The following RTN4 variants were observed in gnomAD, a reference collection of about 807,000 sequenced individuals.
RTN4 encodes reticulon-4.
A neutral mutation model predicts 90.4 loss-of-function variants in RTN4; 32 were observed. That is an observed-to-expected ratio of 0.35 (90% CI 0.27 to 0.48). RTN4 has a LOEUF of 0.48. Ranked by LOEUF, RTN4 falls within the 20% of genes least tolerant of loss-of-function variation. RTN4 has a pLI of 0.99. For missense variants in RTN4, 1,706 were observed against 1,430.2 expected, an observed-to-expected ratio of 1.19 and a Z score of -3.11; for synonymous variants, 629 against 552.5, an observed-to-expected ratio of 1.14 and a Z score of -1.94.
In RTN4 at chr2:55,026,986, T is replaced by C. The variant is rs1681942539; in HGVS notation, c.1113A>G (p.Glu371=). The C allele has an allele frequency of 6.2e-7, 1 of 1,613,478 alleles. No individual in the cohort carries two copies. The highest frequency in any genetic ancestry group is 8.5e-7 in the Non-Finnish European group (1 of 1,179,900). ...SSEKAKDSFN[E]KRVAVEAPMR... is the part of the protein sequence containing the mutation. ...TAGGAGCTTCCACTGCAACTCTCTTTTCATTAAAACTGTCTTTTGCTTTTT... is the reference window on the plus strand; with the variant it reads ...TAGGAGCTTCCACTGCAACTCTCTTCTCATTAAAACTGTCTTTTGCTTTTT... Residue 371 remains glutamate (E), a synonymous_variant, in exon 3 of 9, where the codon GAA becomes GAG. Coordinates refer to ENST00000337526, the MANE Select transcript of RTN4 (RefSeq NM_020532.5).
chr2:54,979,078 G>A (rs184532451), intron 5 of RTN4, among the ~76,000 whole-genome samples: 25 of 151,200 alleles, frequency 1.7e-4, no homozygotes, highest in Non-Finnish European at 2.9e-4. Context: ...TAAACAGACA[G>A]GGTCTCACTC....
chr2:55,003,866 T>C (rs1680018953), intron 3 of RTN4, among the ~76,000 whole-genome samples: 1 of 152,110 alleles, frequency 6.6e-6, no homozygotes, highest in South Asian at 2.1e-4. Context: ...CACCATTTTA[T>C]ATAAGAGACG....
At chr2:55,034,406 G>A (rs1018992834) in intron 1 of RTN4, among the ~76,000 whole-genome samples, 3 of 152,160 alleles carry the variant, frequency 2.0e-5, no homozygotes, top group African/African-American at 4.8e-5. Flanking sequence ...GGAGGCTGAG[G>A]TGGGAGGATC....
intron 2 of RTN4, among the ~76,000 whole-genome samples, chr2:55,063,680 C>T (rs572741325): frequency 3.3e-5 from 5 of 150,612 alleles, no homozygotes; most frequent in East Asian, 2.0e-4. Flanking sequence ...CAGCAGTTCC[C>T]GACCAGCCTG....
intron 1 of RTN4, among the ~76,000 whole-genome samples, chr2:55,033,408 C>T (rs1038634945): frequency 6.6e-6 from 1 of 152,152 alleles, no homozygotes; most frequent in African/African-American, 2.4e-5. Context: ...AAATTTGTAG[C>T]CCCAAAATCC....
At chr2:55,126,704 T>C in the RTN4 span, among the ~76,000 whole-genome samples, 1 of 152,216 alleles carries the variant, frequency 6.6e-6, no homozygotes, top group Non-Finnish European at 1.5e-5. Flanking sequence ...TAAACGATTC[T>C]ATCATAAAGA....
At chr2:55,065,763 A>T (rs1011868983) in intron 2 of RTN4, among the ~76,000 whole-genome samples, 1 of 152,146 alleles carries the variant, frequency 6.6e-6, no homozygotes, top group African/African-American at 2.4e-5. Context: ...ATAAAAAAAA[A>T]ACATGCAAAA....
rs72795422 is a variant in RTN4, at chr2:54,975,759, G to C, written c.3361-995C>G. Among the ~76,000 whole-genome samples, 363 of 152,270 alleles carry C rather than the reference G, an allele frequency of 2.4e-3. 2 individuals carry two copies. Among genetic ancestry groups the C allele is most frequent in the Admixed American group, 4.4e-3 (67 of 15,300 alleles). Reference sequence around the variant, plus strand: ...CCATTAATTAAGCAGTCAAACATTAGTAAGCATATTTATTACAGCTTAGGA... The same window carrying C: ...CCATTAATTAAGCAGTCAAACATTACTAAGCATATTTATTACAGCTTAGGA... On this transcript the variant is annotated intron_variant, in intron 5 of 8. Transcript: ENST00000337526.
chr2:55,022,929 A>ACACACC (rs1174140956), intron 3 of RTN4, among the ~76,000 whole-genome samples: 2 of 149,850 alleles, frequency 1.3e-5, no homozygotes, highest in African/African-American at 4.9e-5. Context: ...ACACACACAC[A>ACACACC]CCCTGCTCTC....
At chr2:55,117,338 C>T (rs1295381341), upstream of RTN4, among the ~76,000 whole-genome samples, 1 of 152,206 alleles carries the variant, frequency 6.6e-6, no homozygotes, top group Non-Finnish European at 1.5e-5. Context: ...TGCCTTCGAG[C>T]ATTCCCTTCA....
At chr2:54,990,249 T>C (rs191312368) in intron 3 of RTN4, among the ~76,000 whole-genome samples, 2 of 152,356 alleles carry the variant, frequency 1.3e-5, no homozygotes, top group East Asian at 3.9e-4. Flanking sequence ...AATAGTTGTA[T>C]GTATTTCAAA....
chr2:55,118,507 G>A, the RTN4 span, among the ~76,000 whole-genome samples: 7 of 152,158 alleles, frequency 4.6e-5, no homozygotes, highest in South Asian at 1.2e-3. Context: ...ATGATAAAGG[G>A]TATAGAATAT....
At chr2:55,057,987 A>G (rs1481257664) in intron 2 of RTN4, among the ~76,000 whole-genome samples, 2 of 152,172 alleles carry the variant, frequency 1.3e-5, no homozygotes, top group Non-Finnish European at 2.9e-5. Flanking sequence ...TATCTCAAAA[A>G]TAAAATAAAT....
At chr2:55,079,775 C>T (rs180997359) in intron 2 of RTN4, among the ~76,000 whole-genome samples, 1 of 152,232 alleles carries the variant, frequency 6.6e-6, no homozygotes, top group East Asian at 1.9e-4. Flanking sequence ...AATAAAGAGA[C>T]CAACAGCCCT....
chr2:55,054,266 C>G (rs1437856778), upstream of RTN4, among the ~76,000 whole-genome samples: 3 of 152,068 alleles, frequency 2.0e-5, no homozygotes. Flanking sequence ...ACAGGTGTGT[C>G]TGTAATCCAC....
intron 2 of RTN4, among the ~76,000 whole-genome samples, chr2:55,069,871 T>C (rs191905968): frequency 1.3e-5 from 2 of 152,198 alleles, no homozygotes; most frequent in African/African-American, 2.4e-5. Context: ...CACAGGTACA[T>C]GAATTAAGCC....
rs1038820779 is a variant in RTN4 at position 55,101,441 on chromosome 2, A to G, written c.-214+11079T>C. On this transcript the variant is annotated intron_variant, in intron 1 of 3. Coordinates refer to the RTN4 transcript ENST00000427710. Reference sequence around the variant, plus strand: ...CTATAATACTAATAAGTTTCTGTAAAAATTGAAGTTATTAATACAATAACT... The same window carrying G: ...CTATAATACTAATAAGTTTCTGTAAGAATTGAAGTTATTAATACAATAACT... Among the ~76,000 whole-genome samples the G allele has an allele frequency of 2.0e-5, 3 of 152,132 alleles. No individual in the cohort carries two copies. In the East Asian group the frequency reaches 5.8e-4, roughly 29 times the overall value.
chr2:55,066,465 C>T (rs1001444738), intron 2 of RTN4, among the ~76,000 whole-genome samples: 1 of 152,034 alleles, frequency 6.6e-6, no homozygotes. Context: ...GAGGCCTAGG[C>T]AGGCGAATCA....
chr2:55,026,126 G>A lies in RTN4; in HGVS notation c.1973C>T (p.Pro658Leu). 1 of 1,613,386 alleles carries A rather than the reference G, an allele frequency of 6.2e-7. No individual in the cohort carries two copies. The change falls in exon 3 of 9, where the codon CCA becomes CTA. Residue 658 changes from proline (P) to leucine (L), a missense_variant. Pro to Leu is a moderately conservative substitution (Grantham distance 98). Coordinates refer to ENST00000337526, the MANE Select transcript of RTN4 (RefSeq NM_020532.5). The part of the protein sequence containing the change: ...SIKHEPENPP[P>L]YEEAMSVSLK... ...TGATACACTCATGGCCTCTTCATAT[G>A]GTGGGGGGTTTTCAGGCTCATGTTT...
Sources: allele counts gnomAD v4.1 joint callset (sites outside exome capture counted in the v4.1 genomes callset), GRCh38; gene constraint gnomAD v4.1.1; transcripts MANE v1.5; gene names NCBI Gene and HGNC (gene_info 2026-07-23, HGNC 2026-07-21).